The following MYO10 variants were observed in gnomAD, a reference collection of about 807,000 sequenced individuals.
The protein encoded by MYO10 is myosin X.
MYO10 carries 133 observed loss-of-function variants against 257.3 expected under a neutral mutation model. The ratio of observed to expected loss-of-function variants is 0.52; its 90% CI spans 0.45 to 0.60. The LOEUF (loss-of-function observed/expected upper bound fraction) is 0.60. Among genes scored for constraint, MYO10 ranks in the 20% least tolerant of loss-of-function variants. The pLI is 0.00. For missense variants in MYO10, 2,399 were observed against 2,635.7 expected (o/e 0.91, Z 1.97); for synonymous variants, 1,104 against 1,028.6 (o/e 1.07, Z -1.40).
intron 9 of MYO10, 42 bp from the exon 10 acceptor site, chr5:16,769,245 A>C: frequency 2.6e-6 from 4 of 1,533,078 alleles, no homozygotes; most frequent in Non-Finnish European, 3.5e-6. Flanking sequence ...TCGTTTTTTC[A>C]CACTGAAGAA....
chr5:16,924,291 A>AC (rs1219782594), intron 1 of MYO10, among the ~76,000 whole-genome samples: 2 of 152,132 alleles, frequency 1.3e-5, no homozygotes, highest in African/African-American at 4.8e-5. Context: ...CTCCTGGTTC[A>AC]CAGAAGACCT....
chr5:16,745,793 G>C lies in MYO10; in HGVS notation c.1929+9035C>G, dbSNP rs1223277319. On this transcript the variant is annotated intron_variant, in intron 19 of 40. Coordinates refer to ENST00000513610, the MANE Select transcript of MYO10 (RefSeq NM_012334.3). Reference sequence around the variant, plus strand: ...TTTCTGAGGGTTCCTTAGGAAAAGGGAGGATGATCCCTTTATGTAACATTT... The same window carrying C: ...TTTCTGAGGGTTCCTTAGGAAAAGGCAGGATGATCCCTTTATGTAACATTT... 8.5e-5 allele frequency among the ~76,000 whole-genome samples: 13 copies of C among 152,274 alleles called. 2 individuals are homozygous for C. The South Asian group carries it at 2.3e-3, about 27-fold the overall frequency.
Position 16,732,941 on chromosome 5 carries a change from C to T in MYO10, c.1930-21696G>A, listed in dbSNP as rs374049102. ...TTGAGGTCAGGAGTTTGGGACCAGC[C>T]TGGCCAACATGGCAAAACCCCATCT... On this transcript the variant is annotated intron_variant, in intron 19 of 40. Coordinates refer to ENST00000513610, the MANE Select transcript of MYO10 (RefSeq NM_012334.3). 2.6e-5 allele frequency among the ~76,000 whole-genome samples: 4 copies of T among 152,274 alleles called. No individual in the cohort carries two copies. In the South Asian group the frequency reaches 8.3e-4, roughly 32 times the overall value.
At position 16,664,411 on chromosome 5, in the gene MYO10, TAAAAAC is replaced by T. The variant is rs890911107; in HGVS notation, c.*2275_*2280del. ...TGTCAAATTCTTTCTGAGCCTAAAA[TAAAAAC>T]AAAGACAACACACATCCAAGTCTTT... On this transcript the variant is annotated 3_prime_UTR_variant, in exon 41 of 41. Coordinates refer to ENST00000513610, the MANE Select transcript of MYO10 (RefSeq NM_012334.3). The T allele has an allele frequency of 2.6e-5, 4 of 152,194 alleles. No individual in the cohort carries two copies. Among genetic ancestry groups the T allele is most frequent in the African/African-American group, 4.8e-5 (2 of 41,534 alleles). The allele number at this position is 152,194 out of a possible 1,614,324, so 9.4% of individuals were successfully genotyped here.
At chr5:16,792,130 CACAGAGAG>C (rs1465060766) in intron 4 of MYO10, among the ~76,000 whole-genome samples, 58 of 80,676 alleles carry the variant, frequency 7.2e-4, no homozygotes, top group South Asian at 7.8e-4. Flanking sequence ...CACACACACA[CACAGAGAG>C]AGAGAGAGAG....
intron 24 of MYO10, among the ~76,000 whole-genome samples, chr5:16,702,192 C>T (rs578154640): frequency 2.0e-5 from 3 of 152,202 alleles, no homozygotes; most frequent in Non-Finnish European, 4.4e-5. Context: ...AGACATCAAA[C>T]TTAAGGATAA....
intron 38 of MYO10, 85 bp from the exon 39 acceptor site, chr5:16,671,063 G>C (rs540099942): frequency 7.9e-7 from 1 of 1,259,382 alleles, no homozygotes; most frequent in South Asian, 1.5e-5. Context: ...CACTTCATGA[G>C]GGTTTCTCTC....
intron 2 of MYO10, among the ~76,000 whole-genome samples, chr5:16,863,035 C>T (rs973613436): frequency 1.3e-5 from 2 of 152,106 alleles, no homozygotes; most frequent in Non-Finnish European, 2.9e-5. Flanking sequence ...CAGACAGATT[C>T]TAAGGGTTGG....
At chr5:16,880,287 G>C (rs184572518) in intron 1 of MYO10, among the ~76,000 whole-genome samples, 1 of 152,180 alleles carries the variant, frequency 6.6e-6, no homozygotes, top group East Asian at 1.9e-4. Flanking sequence ...AATCTGGGGC[G>C]GGCCAACAGG....
intron 3 of MYO10, among the ~76,000 whole-genome samples, chr5:16,810,983 T>C (rs1389931807): frequency 6.8e-6 from 1 of 147,516 alleles, no homozygotes; most frequent in African/African-American, 2.5e-5. Flanking sequence ...GCAGAAGAAT[T>C]GCTTGAACCC....
intron 2 of MYO10, among the ~76,000 whole-genome samples, chr5:16,823,467 G>GGGGGGGGGGGGGGTTTTTTT (rs1561003861): frequency 2.5e-4 from 1 of 3,978 alleles, no homozygotes; most frequent in Non-Finnish European, 5.8e-4. Context: ...GGGGAGTGGG[G>GGGGGGGGGGGGGGTTTTTTT]ATTTTTTTTT....
intron 1 of MYO10, among the ~76,000 whole-genome samples, chr5:16,887,529 C>T (rs1244431745): frequency 2.6e-5 from 4 of 152,140 alleles, no homozygotes; most frequent in Non-Finnish European, 5.9e-5. Flanking sequence ...CTAGCTCCGC[C>T]GCCCAGGCTG....
Position 16,769,205 on chromosome 5 carries a change from T to C in MYO10, c.931-2A>G. ...GAACTGCATCACGTCCATTGCCGTC[T>C]AGAAGAAAATAAATGTATTTAATTT... On this transcript the variant is annotated splice_acceptor_variant, in intron 9 of 40. Transcript: ENST00000513610. LOFTEE classifies it high-confidence loss of function. The C allele has an allele frequency of 6.3e-7, 1 of 1,594,950 alleles. No individual in the cohort carries two copies. Among genetic ancestry groups the C allele is most frequent in the Non-Finnish European group, 8.5e-7 (1 of 1,173,562 alleles).
chr5:16,894,361 G>A (rs766417705), intron 1 of MYO10, among the ~76,000 whole-genome samples: 8 of 152,208 alleles, frequency 5.3e-5, no homozygotes, highest in African/African-American at 7.2e-5. Flanking sequence ...TGGCTAGACC[G>A]AAGGATAGTG....
At chr5:16,870,609 C>T (rs1031861078) in intron 2 of MYO10, among the ~76,000 whole-genome samples, 11 of 146,462 alleles carry the variant, frequency 7.5e-5, no homozygotes, top group East Asian at 2.1e-4. Flanking sequence ...ATAAAAATTT[C>T]GCAGCAGGCA....
intron 26 of MYO10, among the ~76,000 whole-genome samples, chr5:16,694,964 T>C (rs552375784): frequency 4.6e-5 from 7 of 152,366 alleles, no homozygotes; most frequent in East Asian, 1.9e-4. Context: ...TCCCTATGTA[T>C]GGATCAGGCT....
At chr5:16,790,508 C>T (rs947581380) in intron 4 of MYO10, among the ~76,000 whole-genome samples, 3 of 152,072 alleles carry the variant, frequency 2.0e-5, no homozygotes, top group Non-Finnish European at 2.9e-5. Flanking sequence ...GGTGGTTTCC[C>T]CATGCTGTTC....
chr5:16,796,480 A>AAGAAAGAAAGAC (rs1456457259), intron 3 of MYO10, among the ~76,000 whole-genome samples: 3 of 72,344 alleles, frequency 4.1e-5, no homozygotes, highest in Admixed American at 2.6e-4. Context: ...AAAGAAAAGA[A>AAGAAAGAAAGAC]AAGAAAGAAA....
chr5:16,831,524 T>C (rs2126718445), intron 2 of MYO10, among the ~76,000 whole-genome samples: 1 of 151,882 alleles, frequency 6.6e-6, no homozygotes, highest in Admixed American at 6.6e-5. Context: ...ATATATACAA[T>C]GGAATACTAC....
Sources: allele counts gnomAD v4.1 joint callset (sites outside exome capture counted in the v4.1 genomes callset), GRCh38; gene constraint gnomAD v4.1.1; transcripts MANE v1.5; gene names NCBI Gene and HGNC (gene_info 2026-07-23, HGNC 2026-07-21).